Variants in DLG2 observed in about 807,000 individuals in gnomAD.
The protein encoded by DLG2 is disks large homolog 2.
A neutral mutation model predicts 132.5 loss-of-function variants in DLG2; 45 were observed. The ratio of observed to expected loss-of-function variants is 0.34; its 90% CI spans 0.27 to 0.44. The LOEUF is 0.44. DLG2 is among the 20% of genes least tolerant of loss of function. The probability of loss-of-function intolerance (pLI) is 1.00; values close to 1 mark genes in which losing one functional copy is unlikely to be tolerated. For missense variants in DLG2, 1,045 were observed against 1,196.9 expected, an observed-to-expected ratio of 0.87 and a Z score of 1.87; for synonymous variants, 424 against 419.6, an observed-to-expected ratio of 1.01 and a Z score of -0.13.
chr11:83,691,234 A>G (rs1303736276), intron 18 of DLG2, among the ~76,000 whole-genome samples: 2 of 152,158 alleles, frequency 1.3e-5, no homozygotes, highest in Admixed American at 6.6e-5. Context: ...TCTCACCTAG[A>G]GTTCAGGACA....
chr11:84,920,508 T>C (rs1483237030), intron 6 of DLG2, among the ~76,000 whole-genome samples: 2 of 152,242 alleles, frequency 1.3e-5, no homozygotes, highest in Admixed American at 6.5e-5. Context: ...ATGTCCATTA[T>C]GGGTCAGAAA....
intron 19 of DLG2, among the ~76,000 whole-genome samples, chr11:83,602,093 A>G (rs1366450245): frequency 2.0e-5 from 3 of 152,186 alleles, no homozygotes; most frequent in Non-Finnish European, 4.4e-5. Context: ...TAAATCATGG[A>G]CAGAGGAAAT....
chr11:84,319,033 T>A (rs928911684), intron 7 of DLG2, among the ~76,000 whole-genome samples: 1 of 152,256 alleles, frequency 6.6e-6, no homozygotes, highest in Admixed American at 6.5e-5. Flanking sequence ...AATTTAGTTC[T>A]GGTGTTGAGG....
intron 19 of DLG2, among the ~76,000 whole-genome samples, chr11:83,566,806 C>T (rs917272951): frequency 3.4e-5 from 5 of 149,000 alleles, no homozygotes; most frequent in Non-Finnish European, 7.4e-5. Context: ...CTGTTAAATG[C>T]CTCACAGTAG....
chr11:85,248,134 T>C (rs2076226659), intron 4 of DLG2, among the ~76,000 whole-genome samples: 1 of 152,136 alleles, frequency 6.6e-6, no homozygotes, highest in African/African-American at 2.4e-5. Context: ...ACTTTCTCAC[T>C]GTCTCACTGA....
intron 3 of DLG2, among the ~76,000 whole-genome samples, chr11:85,519,605 C>T (rs181721605): frequency 1.3e-5 from 2 of 152,274 alleles, no homozygotes; most frequent in African/African-American, 4.8e-5. Context: ...GGACTGTGGA[C>T]TTCCGTTAAT....
intron 6 of DLG2, among the ~76,000 whole-genome samples, chr11:84,936,199 A>C (rs1282500528): frequency 6.6e-6 from 1 of 152,210 alleles, no homozygotes; most frequent in African/African-American, 2.4e-5. Context: ...AACTAGATAT[A>C]TCTCTGAATA....
chr11:85,434,160 C>T lies in DLG2; in HGVS notation c.41-148795G>A, dbSNP rs796213598. On this transcript the variant is annotated intron_variant, in intron 3 of 27. Transcript: ENST00000376104. The stretch of plus-strand genomic sequence containing the variant: ...AGAAAACATACCAGAATCTCTGGAA[C>T]ACAGCTAAAGCTGTGTTAAGAGGGA... 3.9e-5 allele frequency among the ~76,000 whole-genome samples: 6 copies of T among 152,252 alleles called. No homozygotes were observed. The South Asian group carries it at 6.2e-4, about 16-fold the overall frequency.
intron 3 of DLG2, among the ~76,000 whole-genome samples, chr11:85,341,395 C>G (rs1328523350): frequency 6.6e-6 from 1 of 152,180 alleles, no homozygotes; most frequent in African/African-American, 2.4e-5. Context: ...GCTGGGATTA[C>G]AGGCATGAGC....
At chr11:84,208,868 A>G (rs998705170) in intron 8 of DLG2, among the ~76,000 whole-genome samples, 2 of 152,180 alleles carry the variant, frequency 1.3e-5, no homozygotes, top group African/African-American at 4.8e-5. Context: ...GTGGGAGTCT[A>G]GCTTCTCACT....
At chr11:84,813,197 C>G (rs2076755379) in intron 6 of DLG2, among the ~76,000 whole-genome samples, 1 of 152,062 alleles carries the variant, frequency 6.6e-6, no homozygotes, top group Non-Finnish European at 1.5e-5. Flanking sequence ...CACACATACA[C>G]ACACACACAA....
At chr11:85,000,282 G>C (rs1272182106) in intron 6 of DLG2, among the ~76,000 whole-genome samples, 1 of 152,162 alleles carries the variant, frequency 6.6e-6, no homozygotes, top group East Asian at 1.9e-4. Flanking sequence ...AGCACTGTAA[G>C]AGTTAAATTT....
chr11:83,862,412 A>G (rs2154051427), intron 16 of DLG2, among the ~76,000 whole-genome samples: 1 of 152,252 alleles, frequency 6.6e-6, no homozygotes, highest in South Asian at 2.1e-4. Flanking sequence ...GAACTTATGG[A>G]TATAATAGAA....
intron 2 of DLG2, among the ~76,000 whole-genome samples, chr11:85,622,976 C>T (rs4944530): frequency 0.27 from 40,227 of 151,074 alleles, 5,891 homozygotes; most frequent in East Asian, 0.38. Flanking sequence ...GAGAATTGCA[C>T]GAACCCCGGA....
chr11:85,092,668 A>G (rs1244970006), intron 6 of DLG2, among the ~76,000 whole-genome samples: 1 of 146,804 alleles, frequency 6.8e-6, no homozygotes, highest in African/African-American at 2.5e-5. Context: ...TTTCAGACAG[A>G]GTTTCACTCT....
At chr11:83,571,716 G>A (rs1043580732) in intron 19 of DLG2, among the ~76,000 whole-genome samples, 1 of 151,858 alleles carries the variant, frequency 6.6e-6, no homozygotes, top group Non-Finnish European at 1.5e-5. Context: ...ACTGTTCATT[G>A]CATATTCTCT....
rs1379838215 is a variant in DLG2, at chr11:85,407,815, A to G, written c.41-122450T>C. 4.6e-5 allele frequency among the ~76,000 whole-genome samples: 7 copies of G among 151,972 alleles called. No homozygotes were observed. The East Asian group carries it at 1.4e-3, about 29-fold the overall frequency. On this transcript the variant is annotated intron_variant, in intron 3 of 27. Transcript: ENST00000376104. ...AGTCAGCCATGAGTTATAGGCAGCT[A>G]CAGAGAGGTGTTAATTTCCATGTAC...
intron 3 of DLG2, among the ~76,000 whole-genome samples, chr11:85,312,140 T>G (rs1437750728): frequency 6.6e-6 from 1 of 152,064 alleles, no homozygotes; most frequent in Non-Finnish European, 1.5e-5. Context: ...TGTGTCACAC[T>G]GTATTGTCTC....
chr11:83,766,756 A>T (rs2094164132), intron 18 of DLG2, among the ~76,000 whole-genome samples: 1 of 152,154 alleles, frequency 6.6e-6, no homozygotes, highest in Non-Finnish European at 1.5e-5. Context: ...ATGGTTTCTT[A>T]ACATTCTTAT....
Sources: gnomAD v4.1 joint callset for allele counts (sites outside exome capture counted in the v4.1 genomes callset) on GRCh38, gnomAD v4.1.1 for gene constraint, MANE v1.5 for transcripts, NCBI Gene and HGNC (gene_info 2026-07-23, HGNC 2026-07-21) for gene names.